The following LRRC8C variants were observed in gnomAD, a reference collection of about 807,000 sequenced individuals.
LRRC8C encodes leucine rich repeat containing 8 VRAC subunit C, also known as volume-regulated anion channel subunit LRRC8C.
A neutral mutation model predicts 55.3 loss-of-function variants in LRRC8C; 20 were observed. That is an observed-to-expected ratio of 0.36 (90% CI 0.25 to 0.53). The LOEUF is 0.53. Among genes scored for constraint, LRRC8C ranks in the 20% least tolerant of loss-of-function variants. LRRC8C has a pLI of 0.92. For missense variants in LRRC8C, 659 were observed against 951.4 expected (o/e 0.69, Z 4.04); for synonymous variants, 376 against 360.7 (o/e 1.04, Z -0.48).
intron 1 of LRRC8C, among the ~76,000 whole-genome samples, chr1:89,651,885 T>C (rs1166517362): frequency 6.6e-6 from 1 of 152,184 alleles, no homozygotes; most frequent in Admixed American, 6.5e-5. Flanking sequence ...GGTTGACAGC[T>C]GGTCAACTGC....
At chr1:89,653,869 G>A (rs942897661) in intron 1 of LRRC8C, among the ~76,000 whole-genome samples, 14 of 152,178 alleles carry the variant, frequency 9.2e-5, no homozygotes, top group African/African-American at 2.9e-4. Context: ...CAATCCAGCA[G>A]TATCACTGCT....
chr1:89,686,823 C>G (rs1474757868), intron 2 of LRRC8C, among the ~76,000 whole-genome samples: 1 of 152,144 alleles, frequency 6.6e-6, no homozygotes, highest in Non-Finnish European at 1.5e-5. Context: ...TTTCAATGAG[C>G]CCAAAGAGCA....
chr1:89,620,907 C>A, the LRRC8C span, among the ~76,000 whole-genome samples: 2 of 152,224 alleles, frequency 1.3e-5, no homozygotes, highest in African/African-American at 2.4e-5. Context: ...CATGACGACT[C>A]CTCATTTTCT....
chr1:89,618,498 A>G, the LRRC8C span, among the ~76,000 whole-genome samples: 2 of 152,198 alleles, frequency 1.3e-5, no homozygotes, highest in Non-Finnish European at 2.9e-5. Flanking sequence ...GGGAAGATAA[A>G]TCAGATGATT....
At chr1:89,643,786 A>G (rs1164712502) in intron 1 of LRRC8C, among the ~76,000 whole-genome samples, 2 of 152,182 alleles carry the variant, frequency 1.3e-5, no homozygotes, top group Admixed American at 1.3e-4. Context: ...GAGTTCCAGA[A>G]TTCTAAAGCA....
intron 1 of LRRC8C, among the ~76,000 whole-genome samples, chr1:89,683,243 A>T (rs191181708): frequency 1.3e-5 from 2 of 152,338 alleles, no homozygotes; most frequent in East Asian, 3.9e-4. Flanking sequence ...TAACTCAGTG[A>T]TCCAATGTTT....
chr1:89,654,395 G>T (rs976858701), intron 1 of LRRC8C, among the ~76,000 whole-genome samples: 1 of 152,082 alleles, frequency 6.6e-6, no homozygotes, highest in Non-Finnish European at 1.5e-5. Context: ...AAAATTGCAC[G>T]TGTACCCTTT....
chr1:89,650,223 T>C (rs1043189989), intron 1 of LRRC8C, among the ~76,000 whole-genome samples: 2 of 152,164 alleles, frequency 1.3e-5, no homozygotes, highest in Admixed American at 6.5e-5. Context: ...AATGTTGTCA[T>C]AGGATAATTT....
intron 2 of LRRC8C, among the ~76,000 whole-genome samples, chr1:89,711,791 C>T (rs1010370140): frequency 2.6e-5 from 4 of 152,176 alleles, no homozygotes; most frequent in African/African-American, 7.2e-5. Context: ...TTGTGTGTAA[C>T]GCTAGCAAAT....
At chr1:89,645,012 A>C (rs1330817231) in intron 1 of LRRC8C, among the ~76,000 whole-genome samples, 1 of 152,254 alleles carries the variant, frequency 6.6e-6, no homozygotes, top group Non-Finnish European at 1.5e-5. Context: ...ACTAGTAGGC[A>C]TGAAAATGCA....
At position 89,713,957 on chromosome 1, in the gene LRRC8C, A is replaced by G; in HGVS notation, c.1387A>G (p.Ile463Val). 6.2e-7 allele frequency: 1 copy of G among 1,613,710 alleles called. No individual in the cohort carries two copies. Among genetic ancestry groups the G allele is most frequent in the Non-Finnish European group, 8.5e-7 (1 of 1,180,022 alleles). The change falls in exon 3 of 3, where the codon ATT becomes GTT. Residue 463 changes from isoleucine to valine, a missense_variant. Around this residue, in one of 5 missense-constraint regions of LRRC8C, gnomAD observed 344 missense variants for 464.6 expected, o/e 0.74. Transcript: ENST00000370454. The surrounding 1 kb of genome is among the most constrained non-coding windows in gnomAD (Gnocchi z 5.2). ...IIKNVMIPAT[I>V]AQLDNLQELS... ...TAAGAACGTAATGATACCAGCCACC[A>G]TTGCACAGCTAGACAATCTTCAAGA...
In LRRC8C at chr1:89,686,591, G is replaced by A. The variant is rs1657890319; in HGVS notation, c.118G>A (p.Val40Met). The change falls in exon 2 of 3, where the codon GTG (valine) becomes ATG (methionine). Residue 40 changes from valine (V) to methionine (M), a missense_variant. Physicochemically the swap from Val to Met is conservative, Grantham distance 21. Transcript: ENST00000370454. Reference sequence around the variant, plus strand: ...CTCAGTAGCCATGCTCATGATCGGCGTGTTTGGATGTACTTTACAGGTAGG... The same window carrying A: ...CTCAGTAGCCATGCTCATGATCGGCATGTTTGGATGTACTTTACAGGTAGG... ...YLSVAMLMIG[V>M]FGCTLQVMQD... 7 of 1,613,994 alleles carry A rather than the reference G, an allele frequency of 4.3e-6. No individual in the cohort carries two copies. Among genetic ancestry groups the A allele is most frequent in the African/African-American group, 2.7e-5 (2 of 74,928 alleles).
intron 1 of LRRC8C, among the ~76,000 whole-genome samples, chr1:89,677,559 G>C (rs1189821582): frequency 6.6e-6 from 1 of 152,142 alleles, no homozygotes; most frequent in Non-Finnish European, 1.5e-5. Context: ...TGTGGTATTA[G>C]CAAAGAGCTC....
intron 1 of LRRC8C, among the ~76,000 whole-genome samples, chr1:89,682,809 C>CA (rs1406659870): frequency 6.6e-6 from 1 of 152,196 alleles, no homozygotes; most frequent in African/African-American, 2.4e-5. Context: ...GAAGAATACA[C>CA]AAAGCACTTC....
At chr1:89,669,599 T>G (rs1217667227) in intron 1 of LRRC8C, among the ~76,000 whole-genome samples, 2 of 152,142 alleles carry the variant, frequency 1.3e-5, no homozygotes, top group Non-Finnish European at 2.9e-5. Context: ...TCCCCAGCAA[T>G]CCTGTGAAGC....
At chr1:89,661,387 G>T in intron 1 of LRRC8C, 1 of 319,758 alleles carries the variant, frequency 3.1e-6, no homozygotes, top group Non-Finnish European at 6.2e-6. Flanking sequence ...AGTACCTCCA[G>T]CTCCAATGAA....
At chr1:89,666,896 G>C (rs1452937629) in intron 1 of LRRC8C, among the ~76,000 whole-genome samples, 1 of 152,064 alleles carries the variant, frequency 6.6e-6, no homozygotes, top group Non-Finnish European at 1.5e-5. Context: ...CAGAGAGATA[G>C]AAGTATAACT....
At position 89,715,538 on chromosome 1, in the gene LRRC8C, C is replaced by T. The variant is rs552513767; in HGVS notation, c.*556C>T. On this transcript the variant is annotated 3_prime_UTR_variant, in exon 3 of 3. Coordinates refer to ENST00000370454, the MANE Select transcript of LRRC8C (RefSeq NM_032270.5). ...AACAAAACCCTAAACTGTGTTATTT[C>T]ATATACCTGACAGTTATTGTTATCC... 1.3e-5 allele frequency: 2 copies of T among 152,322 alleles called. No homozygotes were observed. The highest frequency in any genetic ancestry group is 2.9e-5 in the Non-Finnish European group (2 of 68,032). The allele number at this position is 152,322 out of a possible 1,614,324, so 9.4% of individuals were successfully genotyped here. A position where few individuals can be genotyped will look rare whatever the true frequency, so the allele number is the denominator to read the frequency against.
At chr1:89,660,516 A>G (rs546678261) in intron 1 of LRRC8C, among the ~76,000 whole-genome samples, 1 of 152,244 alleles carries the variant, frequency 6.6e-6, no homozygotes, top group East Asian at 1.9e-4. Context: ...CTTCCTCCCT[A>G]TCCTAGGTTT....
Sources: gnomAD v4.1 joint callset for allele counts (sites outside exome capture counted in the v4.1 genomes callset) on GRCh38, gnomAD v4.1.1 for gene constraint, gnomAD v4.1.1 regional missense constraint, Gnocchi (gnomAD v3.1) non-coding constraint, MANE v1.5 for transcripts, NCBI Gene and HGNC (gene_info 2026-07-23, HGNC 2026-07-21) for gene names.